The following ASB14 variants were observed in gnomAD, a reference collection of about 807,000 sequenced individuals.
The protein encoded by ASB14 is ankyrin repeat and SOCS box containing 14, also known as ankyrin repeat and SOCS box protein 14.
A neutral mutation model predicts 55.6 loss-of-function variants in ASB14; 63 were observed. The observed-to-expected ratio is 1.13, with a 90% CI of 0.92 to 1.40. The LOEUF is 1.40. Among genes scored for constraint, ASB14 ranks in the 40% most tolerant of loss-of-function variants. ASB14 has a pLI of 0.00. For synonymous variants in ASB14, 256 were observed against 259.9 expected, an observed-to-expected ratio of 0.98 and a Z score of 0.15; for missense variants, 724 against 710.4, an observed-to-expected ratio of 1.02 and a Z score of -0.22.
chr3:57,292,169 T>C (rs2061137660), intron 1 of ASB14, 65 bp from the exon 2 acceptor site: 2 of 1,066,934 alleles, frequency 1.9e-6, no homozygotes, highest in East Asian at 3.1e-5. Context: ...ATGAAAAATA[T>C]ACAAAATTTA....
In ASB14 at chr3:57,276,719, C is replaced by T. The variant is rs144656144; in HGVS notation, c.1595G>A (p.Arg532His). ...TAGGCGGCACAAATGTTTTAGGGAG[C>T]GAGGGTTTGCTAAAAAGAAAAGGCA... ...SEIHFILTNP[R>H]SLKHLCRLKI... Residue 532 changes from arginine to histidine, a missense_variant, in exon 10 of 11, where the codon CGC becomes CAC. Arg to His is a conservative substitution (Grantham distance 29). Transcript: ENST00000487349. 130 of 1,607,154 alleles carry T rather than the reference C, an allele frequency of 8.1e-5. No individual in the cohort carries two copies. In the East Asian group the frequency reaches 1.0e-3, roughly 13 times the overall value.
chr3:57,284,094 A>ATGTATGTATGTGTGTGTGTGTGTG (rs1553640084), intron 5 of ASB14, among the ~76,000 whole-genome samples: 1 of 136,488 alleles, frequency 7.3e-6, no homozygotes, highest in Non-Finnish European at 1.5e-5. Flanking sequence ...AACACTGTGT[A>ATGTATGTATGTGTGTGTGTGTGTG]TGTGTGTGTG....
chr3:57,288,462 G>A (rs1337930633), intron 3 of ASB14, among the ~76,000 whole-genome samples, 176 bp from the exon 4 acceptor site: 2 of 152,222 alleles, frequency 1.3e-5, no homozygotes, highest in East Asian at 1.9e-4. Context: ...GTAGCGTTCC[G>A]CACCTGGGCA....
In ASB14 at chr3:57,278,251, A is replaced by C. The variant is rs563878727; in HGVS notation, c.1431+126T>G. 3 of 672,944 alleles carry C rather than the reference A, an allele frequency of 4.5e-6. No homozygotes were observed. In the African/African-American group the frequency reaches 5.4e-5, roughly 12 times the overall value. The allele number at this position is 672,944 out of a possible 1,614,324, so 41.7% of individuals were successfully genotyped here. A position where few individuals can be genotyped will look rare whatever the true frequency, so the allele number is the denominator to read the frequency against. ...TATTTTATCATAATTATTTTATCAT[A>C]TAATTATTATACTAGGATCTCTTCA... On this transcript the variant is annotated intron_variant, in intron 8 of 10. Coordinates refer to ENST00000487349, the MANE Select transcript of ASB14 (RefSeq NM_001142733.3).
chr3:57,284,094 A>ATGTATGTGTGTGTGTGTG (rs1553640084), intron 5 of ASB14, among the ~76,000 whole-genome samples: 125 of 136,538 alleles, frequency 9.2e-4, no homozygotes, highest in Middle Eastern at 3.8e-3. Context: ...AACACTGTGT[A>ATGTATGTGTGTGTGTGTG]TGTGTGTGTG....
chr3:57,283,465 A>T (rs1328230716), intron 5 of ASB14, 26 bp from the exon 6 acceptor site: 1 of 1,545,424 alleles, frequency 6.5e-7, no homozygotes, highest in Non-Finnish European at 8.7e-7. Context: ...TGTGGTGGGC[A>T]TGTTCAACGG....
At chr3:57,284,620 G>C (rs1267283080) in intron 5 of ASB14, among the ~76,000 whole-genome samples, 2 of 152,226 alleles carry the variant, frequency 1.3e-5, no homozygotes, top group African/African-American at 2.4e-5. Context: ...GAAGTGAAGA[G>C]AGGAAAACTA....
In ASB14 at chr3:57,289,703, T is replaced by TC. The variant is rs1426062229; in HGVS notation, c.123-581_123-580insG. On this transcript the variant is annotated intron_variant, in intron 2 of 10. Coordinates refer to ENST00000487349, the MANE Select transcript of ASB14 (RefSeq NM_001142733.3). The stretch of plus-strand genomic sequence containing the variant: ...CCTTCCATTCTTTTTTTTTTTTTTT[T>TC]TTTTTTTGAGATGGAGTCTGTCTCT... Among the ~76,000 whole-genome samples the TC allele has an allele frequency of 6.4e-3, 889 of 139,860 alleles. 7 individuals carry two copies. Among genetic ancestry groups the TC allele is most frequent in the African/African-American group, 0.025 (867 of 34,564 alleles). The allele number at this position is 139,860 out of a possible 152,430, so 91.8% of individuals were successfully genotyped here. A position where few individuals can be genotyped will look rare whatever the true frequency, so the allele number is the denominator to read the frequency against.
In ASB14 at chr3:57,291,939, G is replaced by T; in HGVS notation, c.95C>A (p.Thr32Lys). The part of the protein sequence containing the change: ...QSLQDIYKPG[T>K]AQHAPKDESL... ...CTCATCCTTAGGTGCATGTTGTGCT[G>T]TTCCTGGCTTATAAATATCCTGCAA... Residue 32 changes from threonine to lysine, a missense_variant, in exon 2 of 11, where the codon ACA becomes AAA. By Grantham distance (78) the Thr-to-Lys change is moderately conservative. Transcript: ENST00000487349. 2 of 1,536,498 alleles carry T rather than the reference G, an allele frequency of 1.3e-6. No homozygotes were observed. Among genetic ancestry groups the T allele is most frequent in the Non-Finnish European group, 1.7e-6 (2 of 1,146,062 alleles).
intron 10 of ASB14, among the ~76,000 whole-genome samples, chr3:57,275,644 A>G (rs2060979751): frequency 6.6e-6 from 1 of 152,090 alleles, no homozygotes; most frequent in Admixed American, 6.6e-5. Context: ...TATGTTGCTT[A>G]ACAACTGGCT....
rs1579436566 is a variant in ASB14, at chr3:57,288,078, A to G, written c.311-19T>C. The G allele has an allele frequency of 1.3e-6, 2 of 1,536,336 alleles. No individual in the cohort carries two copies. The highest frequency in any genetic ancestry group is 1.2e-5 in the South Asian group (1 of 84,020). On this transcript the variant is annotated intron_variant, in intron 4 of 10. Transcript: ENST00000487349. The stretch of plus-strand genomic sequence containing the variant: ...TCTGAAGCTGAAATAAATTCATCAT[A>G]CCACACAAATTAAGATATAGAAATG...
At chr3:57,270,441 T>A in intron 10 of ASB14, 1 of 152,782 alleles carries the variant, frequency 6.5e-6, no homozygotes. Context: ...AAAAATAAGA[T>A]ATTGGAATTT....
At position 57,283,377 on chromosome 3, in the gene ASB14, G is replaced by T; in HGVS notation, c.532C>A (p.Leu178Met). 6.4e-7 allele frequency: 1 copy of T among 1,551,532 alleles called. No homozygotes were observed. Among genetic ancestry groups the T allele is most frequent in the East Asian group, 2.4e-5 (1 of 40,910 alleles). The change falls in exon 6 of 11, where the codon CTG (leucine) becomes ATG (methionine). Residue 178 changes from leucine (L) to methionine (M), a missense_variant. By Grantham distance (15) the Leu-to-Met change is conservative. Transcript: ENST00000487349. ...GCTGTCCTCTCGTTGGCACAACGCA[G>T]ATTGACATCTGCTCCATAGTTGATC... ...LLINYGADVN[L>M]RCANERTALH...
At chr3:57,287,325 T>C (rs557389498) in intron 5 of ASB14, among the ~76,000 whole-genome samples, 8 of 152,282 alleles carry the variant, frequency 5.3e-5, no homozygotes, top group African/African-American at 1.7e-4. Context: ...GCTGGTCAGA[T>C]TCCTCCAGAG....
chr3:57,289,931 G>GCCA (rs1397107116), intron 2 of ASB14, among the ~76,000 whole-genome samples: 4 of 152,070 alleles, frequency 2.6e-5, no homozygotes, highest in African/African-American at 9.7e-5. Context: ...ACAGGCATGA[G>GCCA]CCACCACACC....
chr3:57,289,687 C>CTTTTTTTTTTTT (rs34419265), intron 2 of ASB14, among the ~76,000 whole-genome samples: 5 of 100,338 alleles, frequency 5.0e-5, no homozygotes, highest in Admixed American at 2.9e-4. Context: ...ACCTTCCATT[C>CTTTTTTTTTTTT]TTTTTTTTTT....
In ASB14 at chr3:57,289,088, A is replaced by G. The variant is rs368491572; in HGVS notation, c.158T>C (p.Ile53Thr). ...CTTAACTTTCTCTATTGTTTCAACT[A>G]TCTTCTTATAGTCAGCGCTCAAAAA... ...HSFLSADYKK[I>T]VETIEKGKED... Residue 53 changes from isoleucine (I) to threonine (T), a missense_variant, in exon 3 of 11, where the codon ATA becomes ACA. Coordinates refer to ENST00000487349, the MANE Select transcript of ASB14 (RefSeq NM_001142733.3). 1.8e-5 allele frequency: 28 copies of G among 1,529,376 alleles called. No homozygotes were observed. The highest frequency in any genetic ancestry group is 5.9e-5 in the Admixed American group (3 of 50,944). The allele number at this position is 1,529,376 out of a possible 1,614,324, so 94.7% of individuals were successfully genotyped here. A position where few individuals can be genotyped will look rare whatever the true frequency, so the allele number is the denominator to read the frequency against.
chr3:57,277,701 A>G, intron 9 of ASB14, 66 bp downstream of exon 9: 1 of 1,431,854 alleles, frequency 7.0e-7, no homozygotes, highest in Non-Finnish European at 9.5e-7. Context: ...TTCTAATTCT[A>G]AAACAACCAA....
chr3:57,292,102 C>G lies in ASB14; in HGVS notation c.-69G>C. On this transcript the variant is annotated splice_region_variant and 5_prime_UTR_variant, in exon 2 of 11. Coordinates refer to ENST00000487349, the MANE Select transcript of ASB14 (RefSeq NM_001142733.3). ...AGTATTTTTCCAGTTGTGAAGAGAT[C>G]AACTGCTTAAAATTACAAATGAAAT... The G allele has an allele frequency of 2.2e-6, 3 of 1,345,168 alleles. No homozygotes were observed. The highest frequency in any genetic ancestry group is 2.9e-6 in the Non-Finnish European group (3 of 1,034,832). The allele number at this position is 1,345,168 out of a possible 1,614,324, so 83.3% of individuals were successfully genotyped here. A position where few individuals can be genotyped will look rare whatever the true frequency, so the allele number is the denominator to read the frequency against.
Sources: allele counts gnomAD v4.1 joint callset (sites outside exome capture counted in the v4.1 genomes callset), GRCh38; gene constraint gnomAD v4.1.1; transcripts MANE v1.5; gene names NCBI Gene and HGNC (gene_info 2026-07-23, HGNC 2026-07-21).